The following SESTD1 variants were observed in gnomAD, a reference collection of about 807,000 sequenced individuals.
SESTD1 encodes the protein SEC14 domain and spectrin repeat-containing protein 1.
Under a neutral mutation model 101.7 loss-of-function variants are expected in SESTD1, and 43 were observed. That is an observed-to-expected ratio of 0.42 (90% CI 0.33 to 0.55). The LOEUF (loss-of-function observed/expected upper bound fraction) is 0.55. SESTD1 is among the 20% of genes least tolerant of loss of function. The pLI, the probability that SESTD1 is intolerant of heterozygous loss-of-function variation, is 0.07. For synonymous variants in SESTD1, 283 were observed against 286.8 expected (o/e 0.99, Z 0.13); for missense variants, 647 against 815.1 (o/e 0.79, Z 2.51).
Position 179,105,296 on chromosome 2 carries a change from C to T in SESTD1, c.*4603G>A, listed in dbSNP as rs1476105823. The T allele has an allele frequency of 1.3e-5, 2 of 151,390 alleles. No individual in the cohort carries two copies. The highest frequency in any genetic ancestry group is 1.5e-5 in the Non-Finnish European group (1 of 67,944). The allele number at this position is 151,390 out of a possible 1,614,324, so 9.4% of individuals were successfully genotyped here. A position where few individuals can be genotyped will look rare whatever the true frequency, so the allele number is the denominator to read the frequency against. ...CCAATCCTAGTATGATTTTCTTTTA[C>T]TTGTGTCTATTAACAGGGTTATGTC... On this transcript the variant is annotated 3_prime_UTR_variant, in exon 18 of 18. Coordinates refer to ENST00000428443, the MANE Select transcript of SESTD1 (RefSeq NM_178123.5).
chr2:179,261,839 T>G (rs1158732156), intron 1 of SESTD1, among the ~76,000 whole-genome samples: 1 of 152,056 alleles, frequency 6.6e-6, no homozygotes, highest in African/African-American at 2.4e-5. Context: ...TAAACAGAAT[T>G]ACCATATAAC....
chr2:179,242,306 TAAAC>T (rs1171124601), intron 1 of SESTD1, among the ~76,000 whole-genome samples: 1 of 152,108 alleles, frequency 6.6e-6, no homozygotes, highest in African/African-American at 2.4e-5. Flanking sequence ...AAACACTACT[TAAAC>T]AAGTTATAGA....
intron 2 of SESTD1, among the ~76,000 whole-genome samples, 183 bp from the exon 3 acceptor site, chr2:179,183,371 G>GA: frequency 6.6e-6 from 1 of 151,804 alleles, no homozygotes; most frequent in East Asian, 1.9e-4. Flanking sequence ...AGAAAATTTA[G>GA]AAAAAAGGAA....
chr2:179,109,681 C>G lies in SESTD1; in HGVS notation c.*218G>C, dbSNP rs780814460. The G allele has an allele frequency of 5.5e-6, 3 of 544,984 alleles. No individual in the cohort carries two copies. The highest frequency in any genetic ancestry group is 9.4e-6 in the Non-Finnish European group (3 of 319,970). 33.8% of individuals were successfully genotyped at this position (544,984 alleles called of 1,614,324 possible). ...AGTTTTCAGTGCAATGTTTATAGTT[C>G]CTTCTTTTAAGATACTTGGAATCTA... On this transcript the variant is annotated 3_prime_UTR_variant, in exon 18 of 18. Coordinates refer to ENST00000428443, the MANE Select transcript of SESTD1 (RefSeq NM_178123.5).
At chr2:179,224,855 T>TG (rs1314155823) in intron 1 of SESTD1, among the ~76,000 whole-genome samples, 1 of 152,192 alleles carries the variant, frequency 6.6e-6, no homozygotes, top group East Asian at 1.9e-4. Context: ...CACCTTGCCC[T>TG]GTGTATCTCT....
chr2:179,112,880 A>G (rs763187450), intron 16 of SESTD1, 35 bp from the exon 17 acceptor site: 44 of 1,587,858 alleles, frequency 2.8e-5, no homozygotes, highest in South Asian at 3.4e-5. Context: ...CAATCAAGAG[A>G]CACAGACAGG....
At chr2:179,167,250 T>C (rs1221952933) in intron 5 of SESTD1, among the ~76,000 whole-genome samples, 4 of 152,216 alleles carry the variant, frequency 2.6e-5, no homozygotes. Flanking sequence ...TAATTTTCAA[T>C]GGTCTCATCA....
At chr2:179,151,654 T>C (rs2045533536) in intron 5 of SESTD1, among the ~76,000 whole-genome samples, 1 of 152,204 alleles carries the variant, frequency 6.6e-6, no homozygotes, top group African/African-American at 2.4e-5. Flanking sequence ...AAAAATATTT[T>C]ATCTTGTTTC....
intron 1 of SESTD1, among the ~76,000 whole-genome samples, chr2:179,229,784 C>CACACACAG (rs1474974886): frequency 1.0e-4 from 6 of 60,076 alleles, no homozygotes; most frequent in African/African-American, 1.7e-4. Flanking sequence ...TACTCAAATA[C>CACACACAG]ACACACACAC....
At chr2:179,197,371 T>C (rs536879614) in intron 1 of SESTD1, among the ~76,000 whole-genome samples, 192 of 152,290 alleles carry the variant, frequency 1.3e-3, no homozygotes, top group African/African-American at 4.4e-3. Context: ...TGGAACCAAG[T>C]TGGAAAACAC....
chr2:179,198,599 A>T (rs1559140756), intron 1 of SESTD1, among the ~76,000 whole-genome samples: 2 of 152,000 alleles, frequency 1.3e-5, no homozygotes, highest in Non-Finnish European at 2.9e-5. Context: ...AATTATAACA[A>T]ACTATCTCTC....
At chr2:179,161,390 A>G (rs1307011416) in intron 5 of SESTD1, among the ~76,000 whole-genome samples, 1 of 152,346 alleles carries the variant, frequency 6.6e-6, no homozygotes, top group Admixed American at 6.5e-5. Flanking sequence ...TTAAGATTAC[A>G]CATACATCAC....
chr2:179,202,182 G>A (rs1388341310), intron 1 of SESTD1, among the ~76,000 whole-genome samples: 1 of 132,976 alleles, frequency 7.5e-6, no homozygotes, highest in East Asian at 2.0e-4. Context: ...TAATAAAACT[G>A]CAAGTTTTAC....
At chr2:179,135,150 G>A (rs1174553701) in intron 9 of SESTD1, among the ~76,000 whole-genome samples, 3 of 151,946 alleles carry the variant, frequency 2.0e-5, no homozygotes, top group African/African-American at 7.3e-5. Context: ...TCACCATCTT[G>A]GCCAGGCTGG....
intron 8 of SESTD1, among the ~76,000 whole-genome samples, chr2:179,146,117 G>A (rs181199390): frequency 1.4e-4 from 21 of 151,656 alleles, no homozygotes; most frequent in Admixed American, 1.2e-3. Flanking sequence ...TCTCATAGGA[G>A]CACAAACTCT....
chr2:179,191,062 A>T (rs2046312595), intron 2 of SESTD1, among the ~76,000 whole-genome samples: 1 of 152,202 alleles, frequency 6.6e-6, no homozygotes, highest in Admixed American at 6.5e-5. Flanking sequence ...CAATCCAGCA[A>T]TCCCATTACT....
At chr2:179,140,087 G>A (rs1200977405) in intron 9 of SESTD1, among the ~76,000 whole-genome samples, 7 of 152,080 alleles carry the variant, frequency 4.6e-5, no homozygotes, top group South Asian at 2.1e-4. Flanking sequence ...TTGGGAACTC[G>A]ATAGTATTAA....
intron 1 of SESTD1, among the ~76,000 whole-genome samples, chr2:179,227,147 G>C (rs1487460410): frequency 6.6e-6 from 1 of 151,988 alleles, no homozygotes; most frequent in African/African-American, 2.4e-5. Context: ...TGGCTTACTT[G>C]ACTTTACTAC....
At position 179,101,898 on chromosome 2, in the gene SESTD1, C is replaced by G. The variant is rs1381852020; in HGVS notation, c.*8001G>C. On this transcript the variant is annotated 3_prime_UTR_variant, in exon 18 of 18. Coordinates refer to ENST00000428443, the MANE Select transcript of SESTD1 (RefSeq NM_178123.5). ...TTTGCTTGTATGTTGAACTGTCACTCAAATGTACTTAACTTCATTGGACAA... is the reference window on the plus strand; with the variant it reads ...TTTGCTTGTATGTTGAACTGTCACTGAAATGTACTTAACTTCATTGGACAA... The G allele has an allele frequency of 6.6e-6, 1 of 152,094 alleles. No homozygotes were observed. The highest frequency in any genetic ancestry group is 1.5e-5 in the Non-Finnish European group (1 of 68,004). The allele number at this position is 152,094 out of a possible 1,614,324, so 9.4% of individuals were successfully genotyped here. A position where few individuals can be genotyped will look rare whatever the true frequency, so the allele number is the denominator to read the frequency against.
Sources: allele counts gnomAD v4.1 joint callset (sites outside exome capture counted in the v4.1 genomes callset), GRCh38; gene constraint gnomAD v4.1.1; transcripts MANE v1.5; gene names NCBI Gene and HGNC (gene_info 2026-07-23, HGNC 2026-07-21).